MATN3: variants seen among roughly 807,000 people sequenced by gnomAD.
MATN3 encodes the protein matrilin-3.
Under a neutral mutation model 45.3 loss-of-function variants are expected in MATN3, and 48 were observed. The ratio of observed to expected loss-of-function variants is 1.06; its 90% CI spans 0.84 to 1.35. MATN3 has a LOEUF of 1.35. MATN3 is among the 40% of genes most tolerant of loss of function. The pLI, the probability that MATN3 is intolerant of heterozygous loss-of-function variation, is 0.00. For synonymous variants in MATN3, 217 were observed against 245.9 expected (o/e 0.88, Z 1.10); for missense variants, 599 against 628.0 (o/e 0.95, Z 0.49).
chr2:20,005,863 C>A lies in MATN3; in HGVS notation c.671G>T (p.Arg224Leu). 1 of 1,608,740 alleles carries A rather than the reference C, an allele frequency of 6.2e-7. No individual in the cohort carries two copies. Among genetic ancestry groups the A allele is most frequent in the Non-Finnish European group, 8.5e-7 (1 of 1,177,520 alleles). ...GIELYAVGVD[R>L]ADMASLKMMA... ...CATCTTGAGGGACGCCATGTCTGCC[C>A]GGTCCACGCCCACAGCATAGAGCTC... The change falls in exon 2 of 8, where the codon CGG (arginine) becomes CTG (leucine). Residue 224 changes from arginine (R) to leucine (L), a missense_variant. Arg to Leu is a moderately radical substitution (Grantham distance 102, BLOSUM62 -2). Coordinates refer to ENST00000407540, the MANE Select transcript of MATN3 (RefSeq NM_002381.5).
intron 5 of MATN3, 30 bp from the exon 6 acceptor site, chr2:19,997,289 A>G (rs1006260453): frequency 1.3e-6 from 2 of 1,567,230 alleles, no homozygotes; most frequent in African/African-American, 2.7e-5. Context: ...GAAAGAAAAT[A>G]TTCACACATT....
At chr2:20,000,987 C>T (rs1374923076) in intron 4 of MATN3, among the ~76,000 whole-genome samples, 1 of 152,078 alleles carries the variant, frequency 6.6e-6, no homozygotes, top group Non-Finnish European at 1.5e-5. Flanking sequence ...GGGAAAGGAG[C>T]GCGAGGGAGA....
At position 20,012,303 on chromosome 2, in the gene MATN3, C is replaced by T. The variant is rs1673232592; in HGVS notation, c.223+106G>A. 1 of 874,696 alleles carries T rather than the reference C, an allele frequency of 1.1e-6. No individual in the cohort carries two copies. The allele number at this position is 874,696 out of a possible 1,614,324, so 54.2% of individuals were successfully genotyped here. A position where few individuals can be genotyped will look rare whatever the true frequency, so the allele number is the denominator to read the frequency against. ...GGATTCATCCGGGAGGGGCCTCTTT[C>T]CCCCGCACCACGGTCGGCCTGAGGC... is the stretch of plus-strand genomic sequence containing the variant. On this transcript the variant is annotated intron_variant, in intron 1 of 7. Transcript: ENST00000407540. This position sits in a 1 kb window ranked among gnomAD's most constrained non-coding sequence, Gnocchi z 4.3.
In MATN3 at chr2:19,997,493, C is replaced by T. The variant is rs541009034; in HGVS notation, c.1169-234G>A. On this transcript the variant is annotated intron_variant, in intron 5 of 7. Transcript: ENST00000407540. Reference sequence around the variant, plus strand: ...TTTCCTTTATATCTCTCACAGATATCTAAGGGTACCTTTCCTTTTTTTCTA... The same window carrying T: ...TTTCCTTTATATCTCTCACAGATATTTAAGGGTACCTTTCCTTTTTTTCTA... The T allele has an allele frequency of 1.9e-4, 75 of 387,490 alleles. 1 individual carries two copies. The highest frequency in any genetic ancestry group is 1.5e-3 in the African/African-American group (72 of 47,814). 24.0% of individuals were successfully genotyped at this position (387,490 alleles called of 1,614,324 possible). A position where few individuals can be genotyped will look rare whatever the true frequency, so the allele number is the denominator to read the frequency against.
chr2:20,002,191 C>CACACACACAG (rs147407955), intron 3 of MATN3, 111 bp from the exon 4 acceptor site: 7,963 of 754,854 alleles, frequency 0.011, 181 homozygotes, highest in Admixed American at 0.012. Context: ...CACACACACA[C>CACACACACAG]AGAGCTAATG....
rs947392013 is a variant in MATN3, at chr2:20,012,017, A to G, written c.223+392T>C. Among the ~76,000 whole-genome samples the G allele has an allele frequency of 6.6e-6, 1 of 152,128 alleles. No individual in the cohort carries two copies. The highest frequency in any genetic ancestry group is 2.1e-4 in the South Asian group (1 of 4,824). The stretch of plus-strand genomic sequence containing the variant: ...GGAGGGGAGGAAAGATCACGCCCTG[A>G]TATTGGATGGAGATGGAGAGATTCC... On this transcript the variant is annotated intron_variant, in intron 1 of 7. Coordinates refer to ENST00000407540, the MANE Select transcript of MATN3 (RefSeq NM_002381.5). This position sits in a 1 kb window ranked among gnomAD's most constrained non-coding sequence, Gnocchi z 4.3.
Position 19,992,397 on chromosome 2 carries a change from T to A in MATN3, c.*714A>T, listed in dbSNP as rs1672776097. 2.0e-5 allele frequency: 3 copies of A among 152,172 alleles called. No individual in the cohort carries two copies. The highest frequency in any genetic ancestry group is 4.4e-5 in the Non-Finnish European group (3 of 67,994). 9.4% of individuals were successfully genotyped at this position (152,172 alleles called of 1,614,324 possible). A position where few individuals can be genotyped will look rare whatever the true frequency, so the allele number is the denominator to read the frequency against. On this transcript the variant is annotated 3_prime_UTR_variant, in exon 8 of 8. Coordinates refer to ENST00000407540, the MANE Select transcript of MATN3 (RefSeq NM_002381.5). ...ATATATAACTTTGTCACTTGGATCC[T>A]GAAGCAAAATAATAAAGTGAATTTG...
chr2:19,994,366 A>C lies in MATN3; in HGVS notation c.1338T>G (p.Cys446Trp). The C allele has an allele frequency of 1.2e-6, 2 of 1,613,652 alleles. No individual in the cohort carries two copies. Among genetic ancestry groups the C allele is most frequent in the Non-Finnish European group, 1.7e-6 (2 of 1,179,696 alleles). Reference protein sequence around the residue: ...ARRLVSTEDACGCEATLAFQD... With the variant: ...ARRLVSTEDAWGCEATLAFQD... The stretch of plus-strand genomic sequence containing the variant: ...GGAATGCCAGTGTAGCTTCACATCC[A>C]CAAGCATCTTCAGTGGAAACAAGTC... Residue 446 changes from cysteine (C) to tryptophan (W), a missense_variant, in exon 7 of 8, where the codon TGT becomes TGG. Cys to Trp is a radical substitution (Grantham distance 215). Coordinates refer to ENST00000407540, the MANE Select transcript of MATN3 (RefSeq NM_002381.5).
chr2:19,995,524 T>C lies in MATN3; in HGVS notation c.1295-1115A>G, dbSNP rs1165672182. Among the ~76,000 whole-genome samples, 1 of 152,216 alleles carries C rather than the reference T, an allele frequency of 6.6e-6. No individual in the cohort carries two copies. Among genetic ancestry groups the C allele is most frequent in the Non-Finnish European group, 1.5e-5 (1 of 68,026 alleles). On this transcript the variant is annotated intron_variant, in intron 6 of 7. Transcript: ENST00000407540. This position sits in a 1 kb window ranked among gnomAD's most constrained non-coding sequence, Gnocchi z 4.2. ...TTTCCTCTAGAGGACTGTTATTCTA[T>C]TTAATGGTTTGAAGTAAGAGTCCTA...
At chr2:20,010,066 C>CAAAAAAA (rs1558376342) in intron 1 of MATN3, among the ~76,000 whole-genome samples, 2 of 5,552 alleles carry the variant, frequency 3.6e-4, no homozygotes, top group Non-Finnish European at 5.0e-4. Flanking sequence ...TCTTCAAATA[C>CAAAAAAA]TAAAAAAAAA....
chr2:20,005,491 C>A (rs894626343), intron 2 of MATN3, among the ~76,000 whole-genome samples: 1 of 152,172 alleles, frequency 6.6e-6, no homozygotes, highest in African/African-American at 2.4e-5. Context: ...CTTCACAGTT[C>A]TAACGCAAAC....
intron 5 of MATN3, among the ~76,000 whole-genome samples, chr2:19,998,530 T>G (rs1442958498): frequency 6.6e-6 from 1 of 152,148 alleles, no homozygotes; most frequent in Non-Finnish European, 1.5e-5. Context: ...CCAAGGCAGG[T>G]GTATTGCTTG....
intron 1 of MATN3, among the ~76,000 whole-genome samples, chr2:20,009,101 T>A (rs1673168206): frequency 6.6e-6 from 1 of 151,766 alleles, no homozygotes. Flanking sequence ...GGCAGGCACC[T>A]GTAGTCCCAG....
At chr2:19,997,055 G>T in intron 6 of MATN3, 79 bp downstream of exon 6, 1 of 1,470,892 alleles carries the variant, frequency 6.8e-7, no homozygotes, top group Non-Finnish European at 9.4e-7. Context: ...TCACAACTGT[G>T]TCTTAGACAG....
intron 5 of MATN3, 123 bp from the exon 6 acceptor site, chr2:19,997,382 T>G: frequency 1.0e-6 from 1 of 974,172 alleles, no homozygotes; most frequent in Non-Finnish European, 1.5e-6. Context: ...TAGTCAGTAG[T>G]CAGCAACAGG....
intron 5 of MATN3, 112 bp from the exon 6 acceptor site, chr2:19,997,371 G>A: frequency 1.9e-6 from 2 of 1,075,642 alleles, no homozygotes; most frequent in Non-Finnish European, 2.6e-6. Context: ...TGAGAATGTA[G>A]TAGTCAGTAG....
At position 20,012,384 on chromosome 2, in the gene MATN3, C is replaced by A. The variant is rs1031523679; in HGVS notation, c.223+25G>T. ...GGCTTCTCCTCGTTCGATGCTCACG[C>A]GTCCCTCCCGCCGCCCGCCTGTACC... On this transcript the variant is annotated intron_variant, in intron 1 of 7. Coordinates refer to ENST00000407540, the MANE Select transcript of MATN3 (RefSeq NM_002381.5). This position sits in a 1 kb window ranked among gnomAD's most constrained non-coding sequence, Gnocchi z 4.3. The A allele has an allele frequency of 1.6e-6, 2 of 1,225,030 alleles. No homozygotes were observed. The highest frequency in any genetic ancestry group is 1.0e-6 in the Non-Finnish European group (1 of 982,980). The allele number at this position is 1,225,030 out of a possible 1,614,324, so 75.9% of individuals were successfully genotyped here.
At chr2:20,010,213 G>A (rs1416434950) in intron 1 of MATN3, among the ~76,000 whole-genome samples, 1 of 152,028 alleles carries the variant, frequency 6.6e-6, no homozygotes, top group Admixed American at 6.6e-5. Context: ...AAAAGAAAAG[G>A]TGGGGGTAAC....
chr2:20,006,108 A>C lies in MATN3; in HGVS notation c.426T>G (p.Asp142Glu), dbSNP rs1350129919. 1 of 1,613,876 alleles carries C rather than the reference A, an allele frequency of 6.2e-7. No individual in the cohort carries two copies. The highest frequency in any genetic ancestry group is 1.3e-5 in the African/African-American group (1 of 74,930). Reference protein sequence around the residue: ...KIEFQLQAYTDKQSLKQAVGR... With the variant: ...KIEFQLQAYTEKQSLKQAVGR... ...CCACGGCCTGCTTCAGGGACTGCTT[A>C]TCTGTGTAGGCCTGGAGTTGGAACT... Residue 142 changes from aspartate (D) to glutamate (E), a missense_variant, in exon 2 of 8, where the codon GAT (aspartate) becomes GAG (glutamate). Coordinates refer to ENST00000407540, the MANE Select transcript of MATN3 (RefSeq NM_002381.5).
Sources: gnomAD v4.1 joint callset for allele counts (sites outside exome capture counted in the v4.1 genomes callset) on GRCh38, gnomAD v4.1.1 for gene constraint, Gnocchi (gnomAD v3.1) non-coding constraint, MANE v1.5 for transcripts, NCBI Gene and HGNC (gene_info 2026-07-23, HGNC 2026-07-21) for gene names.